Variants in XRRA1 observed in about 807,000 individuals in gnomAD.
XRRA1 encodes the protein X-ray radiation resistance-associated protein 1.
A neutral mutation model predicts 80.2 loss-of-function variants in XRRA1; 69 were observed. The observed-to-expected ratio is 0.86, with a 90% confidence interval of 0.71 to 1.05. XRRA1 has a LOEUF of 1.05. Among genes scored for constraint, XRRA1 ranks in the 50% least tolerant of loss-of-function variants. The probability of loss-of-function intolerance (pLI) is 0.00; values close to 1 mark genes in which losing one functional copy is unlikely to be tolerated. For synonymous variants in XRRA1, 348 were observed against 389.9 expected, an observed-to-expected ratio of 0.89 and a Z score of 1.27; for missense variants, 967 against 976.4, an observed-to-expected ratio of 0.99 and a Z score of 0.13.
intron 12 of XRRA1, among the ~76,000 whole-genome samples, chr11:74,857,016 G>A (rs2041265559): frequency 6.6e-6 from 1 of 151,962 alleles, no homozygotes; most frequent in Non-Finnish European, 1.5e-5. Context: ...GTTGGTCCCA[G>A]GGCTGCCTAA....
At chr11:74,863,105 C>CT (rs1565259179) in intron 10 of XRRA1, 84 bp from the exon 11 acceptor site, 1 of 1,311,392 alleles carries the variant, frequency 7.6e-7, no homozygotes, top group Admixed American at 2.0e-5. Context: ...CTGCCATCCA[C>CT]TGTGTGCAGC....
chr11:74,916,189 T>C (rs543058408), intron 8 of XRRA1, among the ~76,000 whole-genome samples: 1 of 152,320 alleles, frequency 6.6e-6, no homozygotes, highest in Non-Finnish European at 1.5e-5. Context: ...GCCTCATGTA[T>C]GTTTATATTC....
At chr11:74,902,642 A>G (rs188634444) in intron 10 of XRRA1, among the ~76,000 whole-genome samples, 3 of 152,320 alleles carry the variant, frequency 2.0e-5, no homozygotes, top group East Asian at 3.9e-4. Flanking sequence ...GGAGGTCCCT[A>G]TGTTAAGTGA....
At chr11:74,879,778 C>T (rs1020568463) in intron 10 of XRRA1, among the ~76,000 whole-genome samples, 43 of 147,476 alleles carry the variant, frequency 2.9e-4, no homozygotes, top group African/African-American at 9.5e-4. Context: ...TATTGATTTG[C>T]GTATATTGAA....
At chr11:74,877,094 G>C (rs1226050890) in intron 10 of XRRA1, 4 of 152,186 alleles carry the variant, frequency 2.6e-5, no homozygotes, top group Non-Finnish European at 5.9e-5. Context: ...TAGAATTCTG[G>C]ATGGAATATT....
chr11:74,946,745 C>A (rs549659109), intron 1 of XRRA1, among the ~76,000 whole-genome samples: 2 of 151,724 alleles, frequency 1.3e-5, no homozygotes, highest in South Asian at 2.1e-4. Flanking sequence ...GTCCTACTTA[C>A]CTCTTTTTCT....
chr11:74,929,392 T>C (rs1942996525), intron 6 of XRRA1, among the ~76,000 whole-genome samples: 1 of 152,174 alleles, frequency 6.6e-6, no homozygotes, highest in Non-Finnish European at 1.5e-5. Context: ...CCAGGTTTCC[T>C]GGCCTCCACC....
intron 10 of XRRA1, among the ~76,000 whole-genome samples, chr11:74,866,985 C>T (rs991141587): frequency 3.9e-5 from 6 of 152,008 alleles, no homozygotes; most frequent in African/African-American, 1.5e-4. Context: ...GTGCACGTAC[C>T]CCACCATGCC....
At chr11:74,919,476 C>A in intron 8 of XRRA1, 1 of 214,102 alleles carries the variant, frequency 4.7e-6, no homozygotes, top group East Asian at 1.4e-4. Flanking sequence ...AATCAGTAAA[C>A]CAATTAATAC....
At chr11:74,878,736 CTTGT>C (rs2046708643) in intron 10 of XRRA1, among the ~76,000 whole-genome samples, 1 of 149,766 alleles carries the variant, frequency 6.7e-6, no homozygotes, top group Non-Finnish European at 1.5e-5. Context: ...TTCCCCATTG[CTTGT>C]TTTTCTCAGG....
intron 9 of XRRA1, chr11:74,906,818 C>T (rs540831821): frequency 4.1e-5 from 16 of 390,980 alleles, no homozygotes; most frequent in Non-Finnish European, 6.8e-5. Flanking sequence ...AATTAAATTT[C>T]TCTTTCTGAT....
chr11:74,849,194 T>C (rs528888304), intron 14 of XRRA1, among the ~76,000 whole-genome samples: 234 of 152,276 alleles, frequency 1.5e-3, no homozygotes, highest in Non-Finnish European at 2.6e-3. Flanking sequence ...TTGGTTCACT[T>C]ATATCTGTAC....
At chr11:74,937,197 C>T (rs1375060014) in intron 3 of XRRA1, 129 bp from the exon 4 acceptor site, 1 of 960,698 alleles carries the variant, frequency 1.0e-6, no homozygotes, top group African/African-American at 1.6e-5. Flanking sequence ...AGATACAATA[C>T]TGCAGCTGGG....
chr11:74,878,512 GGTGT>G (rs1292598296), intron 10 of XRRA1, among the ~76,000 whole-genome samples: 1 of 152,064 alleles, frequency 6.6e-6, no homozygotes, highest in Non-Finnish European at 1.5e-5. Context: ...CATTGCTTTT[GGTGT>G]TTTAGACATG....
At chr11:74,863,092 G>T in intron 10 of XRRA1, 71 bp from the exon 11 acceptor site, 1 of 1,424,918 alleles carries the variant, frequency 7.0e-7, no homozygotes, top group South Asian at 1.2e-5. Flanking sequence ...CCAGGATATA[G>T]GTCTGCCATC....
At chr11:74,882,089 A>G (rs11236264) in intron 10 of XRRA1, among the ~76,000 whole-genome samples, 34,690 of 150,414 alleles carry the variant, frequency 0.23, 5,257 homozygotes, top group East Asian at 0.53. Context: ...CCTGGATAAT[A>G]TCCTGCAGAG....
intron 12 of XRRA1, among the ~76,000 whole-genome samples, chr11:74,855,022 C>T (rs1029883366): frequency 6.6e-6 from 1 of 151,872 alleles, no homozygotes; most frequent in Admixed American, 6.6e-5. Context: ...TGCACTCCAG[C>T]CTGGGCAACA....
chr11:74,873,962 G>T (rs1280228466), intron 10 of XRRA1, among the ~76,000 whole-genome samples: 4 of 151,940 alleles, frequency 2.6e-5, no homozygotes, highest in Admixed American at 2.6e-4. Context: ...TCAAGGCCAG[G>T]CACGGTGGCT....
At chr11:74,870,850 T>A (rs557754710) in intron 10 of XRRA1, among the ~76,000 whole-genome samples, 18 of 152,224 alleles carry the variant, frequency 1.2e-4, no homozygotes, top group Non-Finnish European at 2.2e-4. Context: ...AAAACCAAAT[T>A]TTAGTTTTGA....
Sources: gnomAD v4.1 joint callset for allele counts (sites outside exome capture counted in the v4.1 genomes callset) on GRCh38, gnomAD v4.1.1 for gene constraint, MANE v1.5 for transcripts, NCBI Gene and HGNC (gene_info 2026-07-23, HGNC 2026-07-21) for gene names.